KDM5A: variants seen among roughly 807,000 people sequenced by gnomAD.
KDM5A encodes the protein lysine demethylase 5A, also known as lysine-specific demethylase 5A.
Under a neutral mutation model 193.5 loss-of-function variants are expected in KDM5A, and 42 were observed. The ratio of observed to expected loss-of-function variants is 0.22; its 90% CI spans 0.17 to 0.28. KDM5A has a LOEUF of 0.28. Ranked by LOEUF, KDM5A falls within the 10% of genes least tolerant of loss-of-function variation. KDM5A has a pLI of 1.00. For synonymous variants in KDM5A, 796 were observed against 718.1 expected (o/e 1.11, Z -1.73); for missense variants, 1,692 against 2,055.1 (o/e 0.82, Z 3.42).
At chr12:316,885 T>C (rs924311097) in intron 19 of KDM5A, among the ~76,000 whole-genome samples, 1 of 152,220 alleles carries the variant, frequency 6.6e-6, no homozygotes, top group Non-Finnish European at 1.5e-5. Context: ...GCTGGCAAAG[T>C]AGTTAAGTAC....
intron 3 of KDM5A, among the ~76,000 whole-genome samples, chr12:380,096 C>T (rs941022243): frequency 4.0e-5 from 6 of 151,826 alleles, no homozygotes; most frequent in African/African-American, 1.5e-4. Flanking sequence ...GACGAAACCC[C>T]GTCTCTACTA....
rs1591890805 is a variant in KDM5A at position 281,717 on chromosome 12, T to G, written c.*3739A>C. The G allele has an allele frequency of 3.0e-5, 7 of 234,972 alleles. No individual in the cohort carries two copies. The East Asian group carries it at 4.2e-4, about 14-fold the overall frequency. The allele number at this position is 234,972 out of a possible 1,614,324, so 14.6% of individuals were successfully genotyped here. On this transcript the variant is annotated 3_prime_UTR_variant, in exon 28 of 28. Coordinates refer to ENST00000399788, the MANE Select transcript of KDM5A (RefSeq NM_001042603.3). ...AAATCCCATGCCAAACTGTCACTTT[T>G]TCCCTTAAAAAGTGGATAAACCCAT...
intron 13 of KDM5A, among the ~76,000 whole-genome samples, chr12:330,641 G>A (rs1943853451): frequency 6.6e-6 from 1 of 152,136 alleles, no homozygotes; most frequent in South Asian, 2.1e-4. Context: ...TAGAAACAGA[G>A]CTCAAGCCCA....
intron 10 of KDM5A, among the ~76,000 whole-genome samples, chr12:341,258 T>C (rs893262933): frequency 6.6e-6 from 1 of 152,176 alleles, no homozygotes; most frequent in African/African-American, 2.4e-5. Context: ...CTGATACATT[T>C]CTTTATAGAT....
intron 3 of KDM5A, among the ~76,000 whole-genome samples, chr12:370,512 A>G (rs189398233): frequency 2.2e-4 from 33 of 152,370 alleles, no homozygotes; most frequent in Middle Eastern, 3.4e-3. Context: ...AAAAAGATAC[A>G]TGGCATGCAC....
chr12:375,161 T>C (rs1311029855), intron 3 of KDM5A, among the ~76,000 whole-genome samples: 1 of 152,222 alleles, frequency 6.6e-6, no homozygotes, highest in Non-Finnish European at 1.5e-5. Context: ...GATAATATCC[T>C]GCAGAGTGTT....
intron 10 of KDM5A, 126 bp downstream of exon 10, chr12:350,495 G>T: frequency 1.2e-6 from 1 of 844,880 alleles, no homozygotes; most frequent in Non-Finnish European, 1.9e-6. Context: ...TTTCAAAACT[G>T]AAGATTATTT....
chr12:377,440 C>T (rs550507153), intron 3 of KDM5A, among the ~76,000 whole-genome samples: 13 of 151,804 alleles, frequency 8.6e-5, no homozygotes, highest in East Asian at 5.8e-4. Flanking sequence ...TGCATATCAC[C>T]GTGAAATTTC....
At chr12:365,881 A>G (rs2137470895) in intron 4 of KDM5A, 53 bp downstream of exon 4, 1 of 1,575,386 alleles carries the variant, frequency 6.3e-7, no homozygotes, top group South Asian at 1.1e-5. Flanking sequence ...TAAAGTTTGT[A>G]CTTGGGCAAA....
intron 5 of KDM5A, among the ~76,000 whole-genome samples, chr12:362,059 CT>C (rs558212672): frequency 6.4e-4 from 97 of 152,266 alleles, no homozygotes; most frequent in African/African-American, 2.2e-3. Flanking sequence ...ACTTTTGATG[CT>C]AATCATTCCC....
At chr12:368,369 T>TA (rs940787812) in intron 3 of KDM5A, among the ~76,000 whole-genome samples, 5 of 152,100 alleles carry the variant, frequency 3.3e-5, no homozygotes, top group African/African-American at 9.7e-5. Context: ...TACAATTTTT[T>TA]AAAAAAAGAT....
At chr12:289,150 A>G (rs903464330) in intron 27 of KDM5A, among the ~76,000 whole-genome samples, 1 of 152,172 alleles carries the variant, frequency 6.6e-6, no homozygotes, top group Non-Finnish European at 1.5e-5. Flanking sequence ...GTAAAGGAAA[A>G]GGCCAACAAT....
chr12:341,473 A>G (rs1184076300), intron 10 of KDM5A, among the ~76,000 whole-genome samples: 1 of 149,968 alleles, frequency 6.7e-6, no homozygotes, highest in Non-Finnish European at 1.5e-5. Flanking sequence ...CTACCATGAC[A>G]AGAGGGAAAA....
chr12:297,323 A>G (rs1165071033), intron 24 of KDM5A, 123 bp from the exon 25 acceptor site: 5 of 811,692 alleles, frequency 6.2e-6, no homozygotes, highest in Non-Finnish European at 8.0e-6. Flanking sequence ...GATTAAAATT[A>G]AATATCTGAT....
chr12:344,294 T>G (rs977987403), intron 10 of KDM5A, among the ~76,000 whole-genome samples: 1 of 152,310 alleles, frequency 6.6e-6, no homozygotes, highest in East Asian at 1.9e-4. Flanking sequence ...ATTTGATTGG[T>G]GTACCTTAAA....
chr12:381,769 C>T (rs971433772), intron 3 of KDM5A, among the ~76,000 whole-genome samples: 1 of 151,928 alleles, frequency 6.6e-6, no homozygotes, highest in Non-Finnish European at 1.5e-5. Context: ...TGACCTGACA[C>T]TAATTTTAAA....
intron 6 of KDM5A, among the ~76,000 whole-genome samples, 180 bp from the exon 7 acceptor site, chr12:355,429 A>ATTAC (rs1297883481): frequency 1.3e-5 from 2 of 152,184 alleles, no homozygotes; most frequent in Non-Finnish European, 2.9e-5. Context: ...AAAGTTAGTA[A>ATTAC]CTTGCTCAAA....
intron 12 of KDM5A, chr12:333,266 A>G: frequency 1.8e-6 from 1 of 566,656 alleles, no homozygotes. Context: ...AAAAAATACA[A>G]CAATTAGCCG....
chr12:320,539 ACC>A (rs775349971), intron 18 of KDM5A, among the ~76,000 whole-genome samples: 4 of 152,134 alleles, frequency 2.6e-5, no homozygotes, highest in East Asian at 1.9e-4. Context: ...TAGACACCCT[ACC>A]CACCCCTCAA....
Sources: gnomAD v4.1 joint callset for allele counts (sites outside exome capture counted in the v4.1 genomes callset) on GRCh38, gnomAD v4.1.1 for gene constraint, MANE v1.5 for transcripts, NCBI Gene and HGNC (gene_info 2026-07-23, HGNC 2026-07-21) for gene names.